CDH26: variants seen among roughly 807,000 people sequenced by gnomAD.
The protein encoded by CDH26 is cadherin 26.
In CDH26, 83 loss-of-function variants were observed where a neutral mutation model predicts 90.3. That is an observed-to-expected ratio of 0.92 (90% CI 0.77 to 1.10). The LOEUF is 1.10. Ranked by LOEUF, CDH26 falls within the 50% of genes least tolerant of loss-of-function variation. The pLI is 0.00. For synonymous variants in CDH26, 397 were observed against 396.3 expected (o/e 1.00, Z -0.02); for missense variants, 1,013 against 1,037.6 (o/e 0.98, Z 0.33).
At chr20:60,012,301 G>A (rs112310011) in intron 17 of CDH26, among the ~76,000 whole-genome samples, 7 of 152,168 alleles carry the variant, frequency 4.6e-5, no homozygotes, top group African/African-American at 1.7e-4. Flanking sequence ...ATACTCCTGG[G>A]GCGGCCACCA....
exon 9 of CDH26, chr20:60,033,928 T>C (rs768189412): frequency 3.7e-6 from 1 of 267,862 alleles, no homozygotes; most frequent in Non-Finnish European, 6.1e-6. Flanking sequence ...AATATGCATG[T>C]AAGAATTACT....
intron 7 of CDH26, among the ~76,000 whole-genome samples, chr20:60,021,867 C>CACACACACAT (rs1555903638): frequency 3.4e-4 from 31 of 90,444 alleles, no homozygotes; most frequent in South Asian, 7.7e-4. Flanking sequence ...CACACACACA[C>CACACACACAT]ACACACACAC....
chr20:60,028,155 G>T (rs2062013446), intron 7 of CDH26, among the ~76,000 whole-genome samples: 1 of 152,148 alleles, frequency 6.6e-6, no homozygotes. Context: ...TGCTGAGCAG[G>T]GCAGCACCCC....
chr20:60,033,910 G>T, exon 9 of CDH26: 1 of 349,010 alleles, frequency 2.9e-6, no homozygotes, highest in Non-Finnish European at 4.3e-6. Context: ...CCTGGTCACT[G>T]CTTATCCAAT....
chr20:59,996,118 A>G (rs2061594215), intron 12 of CDH26, 64 bp downstream of exon 12: 7 of 1,513,360 alleles, frequency 4.6e-6, no homozygotes, highest in Non-Finnish European at 6.3e-6. Flanking sequence ...GGCCAGGGGT[A>G]AGGGGCTTGC....
intron 9 of CDH26, among the ~76,000 whole-genome samples, chr20:59,990,948 C>T (rs952488276): frequency 6.6e-6 from 1 of 151,926 alleles, no homozygotes; most frequent in Non-Finnish European, 1.5e-5. Context: ...TGACTCACTG[C>T]AACCTCCACC....
chr20:59,979,601 CTTTTTTTTTTTTTT>C (rs559969476), intron 4 of CDH26, among the ~76,000 whole-genome samples: 10 of 47,494 alleles, frequency 2.1e-4, no homozygotes, highest in East Asian at 6.6e-4. Flanking sequence ...CTGCTATGCA[CTTTTTTTTTTTTTT>C]TTTTTTTTTT....
exon 9 of CDH26, chr20:60,033,750 T>C (rs1310426418): frequency 1.6e-6 from 2 of 1,233,510 alleles, no homozygotes; most frequent in South Asian, 1.4e-5. Context: ...CTGGAGGAGA[T>C]GGCAATTATC....
At position 59,982,996 on chromosome 20, in the gene CDH26, G is replaced by A. The variant is rs748744964; in HGVS notation, c.467G>A (p.Ser156Asn). 1.2e-6 allele frequency: 2 copies of A among 1,613,946 alleles called. No homozygotes were observed. Among genetic ancestry groups the A allele is most frequent in the Non-Finnish European group, 1.7e-6 (2 of 1,179,954 alleles). The change falls in exon 5 of 18, where the codon AGT becomes AAT. Residue 156 changes from serine to asparagine, a missense_variant. Transcript: ENST00000348616. ...TCCTTGATTTTCAACATTAGGATCA[G>A]TGATGTGAATGATCATGCACCCCAG... ...DTSLIFNIRISDVNDHAPQFP... is the reference protein window; with the variant it reads ...DTSLIFNIRINDVNDHAPQFP...
At chr20:59,990,017 A>G (rs2145991589) in intron 9 of CDH26, among the ~76,000 whole-genome samples, 1 of 151,726 alleles carries the variant, frequency 6.6e-6, no homozygotes, top group African/African-American at 2.4e-5. Context: ...TCCATTAACC[A>G]CTCATTCCCC....
In CDH26 at chr20:60,013,507, A is replaced by C. The variant is rs1048990859; in HGVS notation, c.*777A>C. 1 of 152,202 alleles carries C rather than the reference A, an allele frequency of 6.6e-6. No homozygotes were observed. The highest frequency in any genetic ancestry group is 1.5e-5 in the Non-Finnish European group (1 of 68,020). The allele number at this position is 152,202 out of a possible 1,614,324, so 9.4% of individuals were successfully genotyped here. A position where few individuals can be genotyped will look rare whatever the true frequency, so the allele number is the denominator to read the frequency against. On this transcript the variant is annotated 3_prime_UTR_variant, in exon 18 of 18. Coordinates refer to ENST00000348616, the MANE Select transcript of CDH26 (RefSeq NM_177980.4). ...TTCAGGGGAAGAAATGGTTTCTTTT[A>C]AAAATCTTAATAGGGGACATATGCC...
intron 3 of CDH26, among the ~76,000 whole-genome samples, chr20:59,971,100 C>G (rs1451299266): frequency 1.3e-5 from 2 of 152,080 alleles, no homozygotes; most frequent in Non-Finnish European, 2.9e-5. Context: ...CACTACCTTC[C>G]TAGTACCAAT....
chr20:59,958,795 G>C lies in CDH26; in HGVS notation c.69G>C (p.Gln23His), dbSNP rs748555636. 6.2e-7 allele frequency: 1 copy of C among 1,613,316 alleles called. No individual in the cohort carries two copies. Among genetic ancestry groups the C allele is most frequent in the Non-Finnish European group, 8.5e-7 (1 of 1,179,562 alleles). The change falls in exon 1 of 18, where the codon CAG becomes CAC. Residue 23 changes from glutamine (Q) to histidine (H), a missense_variant and splice_region_variant. By Grantham distance (24) the Gln-to-His change is conservative (BLOSUM62 0). Coordinates refer to ENST00000348616, the MANE Select transcript of CDH26 (RefSeq NM_177980.4). ...LLLVLLLWLL[Q>H]VSIIDSVQQE... ...TAGTGCTGCTGCTGTGGCTGCTGCAGGTAAGCTGAGCCTGCAGCCTAGTGC... is the reference window on the plus strand; with the variant it reads ...TAGTGCTGCTGCTGTGGCTGCTGCACGTAAGCTGAGCCTGCAGCCTAGTGC...
intron 8 of CDH26, chr20:60,033,418 C>A: frequency 7.9e-7 from 1 of 1,268,690 alleles, no homozygotes; most frequent in South Asian, 1.3e-5. Flanking sequence ...TTAGTGAATG[C>A]TAAGCCTGTG....
At chr20:59,962,688 C>T (rs1441037672) in intron 1 of CDH26, among the ~76,000 whole-genome samples, 1 of 152,168 alleles carries the variant, frequency 6.6e-6, no homozygotes, top group Non-Finnish European at 1.5e-5. Flanking sequence ...ACAATTCAAC[C>T]CACCACAGAA....
chr20:59,967,880 C>CTCTCTCTCT (rs1195650307), intron 1 of CDH26, among the ~76,000 whole-genome samples: 14 of 74,976 alleles, frequency 1.9e-4, no homozygotes, highest in African/African-American at 1.0e-3. Flanking sequence ...TTTCTTTCTT[C>CTCTCTCTCT]CTTCCTTCCT....
At chr20:60,002,250 A>G (rs1335805678) in intron 15 of CDH26, among the ~76,000 whole-genome samples, 1 of 152,022 alleles carries the variant, frequency 6.6e-6, no homozygotes, top group African/African-American at 2.4e-5. Context: ...TTGCACAAAG[A>G]TGATGCCACA....
At chr20:60,000,624 G>A (rs746035098) in intron 14 of CDH26, among the ~76,000 whole-genome samples, 1 of 152,186 alleles carries the variant, frequency 6.6e-6, no homozygotes, top group African/African-American at 2.4e-5. Context: ...ATTTTCACCA[G>A]AACCCATAGG....
intron 13 of CDH26, among the ~76,000 whole-genome samples, chr20:59,997,846 C>G (rs993593549): frequency 6.6e-6 from 1 of 152,226 alleles, no homozygotes; most frequent in Non-Finnish European, 1.5e-5. Context: ...GAGAGTTTCT[C>G]AAAAATATTT....
Sources: allele counts gnomAD v4.1 joint callset (sites outside exome capture counted in the v4.1 genomes callset), GRCh38; gene constraint gnomAD v4.1.1; transcripts MANE v1.5; gene names NCBI Gene and HGNC (gene_info 2026-07-23, HGNC 2026-07-21).